The following ATG7 variants were observed in gnomAD, a reference collection of about 807,000 sequenced individuals.
The protein encoded by ATG7 is ubiquitin-like modifier-activating enzyme ATG7.
In ATG7, 70 loss-of-function variants were observed where a neutral mutation model predicts 82.4. The ratio of observed to expected loss-of-function variants is 0.85; its 90% CI spans 0.70 to 1.04. ATG7 has a LOEUF of 1.04. Ranked by LOEUF, ATG7 falls within the 50% of genes least tolerant of loss-of-function variation. The pLI, the probability that ATG7 is intolerant of heterozygous loss-of-function variation, is 0.00. For synonymous variants in ATG7, 287 were observed against 313.0 expected (o/e 0.92, Z 0.88); for missense variants, 792 against 864.3 (o/e 0.92, Z 1.05).
intron 19 of ATG7, among the ~76,000 whole-genome samples, chr3:11,416,001 G>A (rs1576251890): frequency 6.6e-6 from 1 of 152,080 alleles, no homozygotes; most frequent in East Asian, 1.9e-4. Context: ...GCTTCACTAG[G>A]GATTAGGAAT....
At chr3:11,527,915 T>A (rs1346547916) in intron 20 of ATG7, among the ~76,000 whole-genome samples, 2 of 152,214 alleles carry the variant, frequency 1.3e-5, no homozygotes, top group Non-Finnish European at 2.9e-5. Flanking sequence ...AACACAGTAA[T>A]GTGTTGCCCG....
intron 9 of ATG7, among the ~76,000 whole-genome samples, chr3:11,319,281 A>G (rs1294764157): frequency 6.6e-6 from 1 of 152,106 alleles, no homozygotes; most frequent in Admixed American, 6.5e-5. Context: ...GAGCCACGAC[A>G]TTTCCTTGAA....
intron 14 of ATG7, among the ~76,000 whole-genome samples, chr3:11,357,913 G>A (rs546037596): frequency 6.6e-6 from 1 of 151,804 alleles, no homozygotes; most frequent in Non-Finnish European, 1.5e-5. Context: ...GGAAGCTGAG[G>A]TGGGAGGATC....
At position 11,399,088 on chromosome 3, in the gene ATG7, C is replaced by T. The variant is rs1370472077; in HGVS notation, c.1956+19036C>T. Among the ~76,000 whole-genome samples, 3 of 152,222 alleles carry T rather than the reference C, an allele frequency of 2.0e-5. No homozygotes were observed. The East Asian group carries it at 5.8e-4, about 29-fold the overall frequency. On this transcript the variant is annotated intron_variant, in intron 19 of 20. Coordinates refer to ENST00000693202, the MANE Select transcript of ATG7 (RefSeq NM_001349232.2). The stretch of plus-strand genomic sequence containing the variant: ...GCAGGCTGGGCGCAGTGGCTCACGC[C>T]TGTAATCCCAGCACTTGGGGAGGCT...
At chr3:11,444,784 A>G (rs1400401430) in intron 20 of ATG7, among the ~76,000 whole-genome samples, 1 of 152,228 alleles carries the variant, frequency 6.6e-6, no homozygotes, top group Non-Finnish European at 1.5e-5. Flanking sequence ...GATAATCTAC[A>G]GAATGGGAGA....
chr3:11,544,225 C>A (rs1392717915), intron 20 of ATG7, among the ~76,000 whole-genome samples: 1 of 152,180 alleles, frequency 6.6e-6, no homozygotes, highest in Non-Finnish European at 1.5e-5. Flanking sequence ...GGGCTCCGGG[C>A]AGGAATCTGG....
intron 19 of ATG7, among the ~76,000 whole-genome samples, chr3:11,405,284 C>A (rs970241651): frequency 1.3e-5 from 2 of 152,158 alleles, no homozygotes; most frequent in Admixed American, 1.3e-4. Flanking sequence ...CCCCCACCCC[C>A]TTGCCCCCAC....
chr3:11,446,515 G>C (rs2084572470), intron 20 of ATG7: 2 of 447,068 alleles, frequency 4.5e-6, no homozygotes, highest in African/African-American at 2.0e-5. Flanking sequence ...TTAGCACTAA[G>C]AAGATTTTCT....
the ATG7 span, chr3:11,564,828 G>A: frequency 1.4e-4 from 218 of 1,590,226 alleles, no homozygotes; most frequent in Non-Finnish European, 1.7e-4. Context: ...CAGTGTGGGC[G>A]AGAGGCCGGC....
intron 20 of ATG7, among the ~76,000 whole-genome samples, chr3:11,502,209 T>A (rs1204598910): frequency 6.6e-6 from 1 of 151,918 alleles, no homozygotes; most frequent in East Asian, 1.9e-4. Context: ...TTCTTTTTTT[T>A]TTTAATTTTA....
the ATG7 span, chr3:11,568,567 C>G: frequency 3.2e-5 from 50 of 1,554,254 alleles, no homozygotes; most frequent in African/African-American, 5.5e-5. This position sits in a 1 kb window ranked among gnomAD's most constrained non-coding sequence, Gnocchi z 5.9. Flanking sequence ...GCCTGGAGAA[C>G]TGGCTGGTTA....
At chr3:11,471,657 G>A (rs922992179) in intron 20 of ATG7, among the ~76,000 whole-genome samples, 1 of 147,218 alleles carries the variant, frequency 6.8e-6, no homozygotes, top group African/African-American at 2.5e-5. Context: ...AAATGCAGGT[G>A]GCTCCCCAGT....
chr3:11,301,119 A>G (rs971438921), intron 5 of ATG7, among the ~76,000 whole-genome samples: 1 of 152,190 alleles, frequency 6.6e-6, no homozygotes, highest in African/African-American at 2.4e-5. Flanking sequence ...GTGTTAGAGA[A>G]ACCAAAGAAG....
At chr3:11,467,468 C>G (rs974878239) in intron 20 of ATG7, among the ~76,000 whole-genome samples, 3 of 152,188 alleles carry the variant, frequency 2.0e-5, no homozygotes, top group Admixed American at 6.5e-5. Context: ...CCTCCGCCCC[C>G]CAGCTTCAAG....
intron 20 of ATG7, among the ~76,000 whole-genome samples, chr3:11,489,348 C>G (rs973550896): frequency 6.6e-6 from 1 of 151,808 alleles, no homozygotes; most frequent in East Asian, 1.9e-4. Flanking sequence ...TTTTTTATTG[C>G]GTCTATTTGA....
At chr3:11,368,687 A>T (rs2076793334) in intron 18 of ATG7, among the ~76,000 whole-genome samples, 1 of 140,214 alleles carries the variant, frequency 7.1e-6, no homozygotes, top group Non-Finnish European at 1.6e-5. Context: ...GCAGTGAGCC[A>T]GTATCACACT....
chr3:11,315,007 A>G (rs1949192532), intron 8 of ATG7, among the ~76,000 whole-genome samples: 1 of 152,142 alleles, frequency 6.6e-6, no homozygotes, highest in South Asian at 2.1e-4. Flanking sequence ...TTCGGGGTAA[A>G]ATTCATCAGG....
At chr3:11,286,583 C>CTTTTTTTTTTTT (rs5846700) in intron 3 of ATG7, among the ~76,000 whole-genome samples, 46 of 66,958 alleles carry the variant, frequency 6.9e-4, no homozygotes, top group Non-Finnish European at 8.6e-4. Context: ...TTCTTTCTTT[C>CTTTTTTTTTTTT]TTTTTTTTTT....
chr3:11,345,711 A>T (rs1375875556), intron 13 of ATG7, among the ~76,000 whole-genome samples: 1 of 151,730 alleles, frequency 6.6e-6, no homozygotes. Flanking sequence ...TTTATTCTAT[A>T]ATTTTTGTTT....
Sources: gnomAD v4.1 joint callset for allele counts (sites outside exome capture counted in the v4.1 genomes callset) on GRCh38, gnomAD v4.1.1 for gene constraint, Gnocchi (gnomAD v3.1) non-coding constraint, MANE v1.5 for transcripts, NCBI Gene and HGNC (gene_info 2026-07-23, HGNC 2026-07-21) for gene names.